UNC5C: variants seen among roughly 807,000 people sequenced by gnomAD.
UNC5C encodes the protein netrin receptor UNC5C.
A neutral mutation model predicts 99.8 loss-of-function variants in UNC5C; 47 were observed. That is an observed-to-expected ratio of 0.47 (90% confidence interval 0.37 to 0.60). The LOEUF (loss-of-function observed/expected upper bound fraction) is 0.60, where lower values mean the gene tolerates loss of function less well. UNC5C is among the 20% of genes least tolerant of loss of function. The pLI is 0.00. For synonymous variants in UNC5C, 487 were observed against 452.2 expected, an observed-to-expected ratio of 1.08 and a Z score of -0.98; for missense variants, 1,062 against 1,165.9, an observed-to-expected ratio of 0.91 and a Z score of 1.30.
chr4:95,287,018 T>C (rs1235611618), intron 3 of UNC5C, among the ~76,000 whole-genome samples: 1 of 152,178 alleles, frequency 6.6e-6, no homozygotes, highest in Non-Finnish European at 1.5e-5. Context: ...TCCAGATAGT[T>C]CAATGCTGAA....
intron 2 of UNC5C, among the ~76,000 whole-genome samples, chr4:95,310,461 A>G (rs1742237065): frequency 6.6e-6 from 1 of 152,158 alleles, no homozygotes; most frequent in Non-Finnish European, 1.5e-5. Context: ...AAAAAAAATG[A>G]GAAATATATG....
At chr4:95,529,546 CA>C (rs773333211) in intron 1 of UNC5C, among the ~76,000 whole-genome samples, 9 of 151,568 alleles carry the variant, frequency 5.9e-5, no homozygotes, top group Non-Finnish European at 1.0e-4. Context: ...GGAAACATGG[CA>C]AAACCCCATC....
At chr4:95,387,648 T>G (rs1745249307) in intron 1 of UNC5C, among the ~76,000 whole-genome samples, 1 of 152,232 alleles carries the variant, frequency 6.6e-6, no homozygotes, top group African/African-American at 2.4e-5. Flanking sequence ...ACTCTGTGTT[T>G]CTATGACTGC....
At chr4:95,193,463 C>T (rs573237820) in intron 12 of UNC5C, among the ~76,000 whole-genome samples, 1 of 152,298 alleles carries the variant, frequency 6.6e-6, no homozygotes, top group Admixed American at 6.5e-5. Context: ...AAAGAACAGA[C>T]CAGCAAATGT....
At chr4:95,546,381 C>CT (rs1283343224) in intron 1 of UNC5C, among the ~76,000 whole-genome samples, 16 of 152,188 alleles carry the variant, frequency 1.1e-4, no homozygotes, top group African/African-American at 3.1e-4. Flanking sequence ...GGCTGGGTTA[C>CT]TGTACTGCAG....
At chr4:95,342,809 AAG>A (rs1369003365) in intron 1 of UNC5C, among the ~76,000 whole-genome samples, 2 of 151,764 alleles carry the variant, frequency 1.3e-5, no homozygotes, top group Admixed American at 1.3e-4. Context: ...GCCCTGAAGG[AAG>A]AGTCACCACA....
rs74479359 is a variant in UNC5C, at chr4:95,219,194, G to T, written c.1420C>A (p.Leu474Met). Residue 474 changes from leucine to methionine, a missense_variant, in exon 9 of 16, where the codon CTG becomes ATG. By Grantham distance (15) the Leu-to-Met change is conservative. Transcript: ENST00000453304. Reference sequence around the variant, plus strand: ...TACACTTTGATTTTCAGGTTGGGCAGTGGATCCAGAATTGGAGAGTTGGTC... The same window carrying T: ...TACACTTTGATTTTCAGGTTGGGCATTGGATCCAGAATTGGAGAGTTGGTC... ...PMTNSPILDP[L>M]PNLKIKVYNT... 3.7e-5 allele frequency: 59 copies of T among 1,614,198 alleles called. No homozygotes were observed. The East Asian group carries it at 1.2e-3, about 34-fold the overall frequency.
At chr4:95,493,599 TA>T (rs1347475687) in intron 1 of UNC5C, among the ~76,000 whole-genome samples, 1 of 151,332 alleles carries the variant, frequency 6.6e-6, no homozygotes, top group African/African-American at 2.4e-5. Context: ...CACTAAGTTT[TA>T]AAAAAAATTT....
At chr4:95,264,875 T>C (rs1199628155) in intron 4 of UNC5C, among the ~76,000 whole-genome samples, 2 of 152,210 alleles carry the variant, frequency 1.3e-5, no homozygotes, top group Non-Finnish European at 2.9e-5. Context: ...TGATTATCTG[T>C]TCTTTTGCAA....
chr4:95,419,783 T>G (rs1746266593), intron 1 of UNC5C, among the ~76,000 whole-genome samples: 1 of 152,002 alleles, frequency 6.6e-6, no homozygotes, highest in Non-Finnish European at 1.5e-5. Flanking sequence ...TGTTGAACAT[T>G]TATAAAATAG....
chr4:95,398,637 G>C lies in UNC5C; in HGVS notation c.125-63006C>G, dbSNP rs1015337870. On this transcript the variant is annotated intron_variant, in intron 1 of 15. Transcript: ENST00000453304. ...ACAAAGCAATGAAGATGTATCTCCTGTTTCTTGTTTCTGTTGCAAATTATG... is the reference window on the plus strand; with the variant it reads ...ACAAAGCAATGAAGATGTATCTCCTCTTTCTTGTTTCTGTTGCAAATTATG... Among the ~76,000 whole-genome samples the C allele has an allele frequency of 7.2e-5, 11 of 152,236 alleles. 1 individual carries two copies. Among genetic ancestry groups the C allele is most frequent in the African/African-American group, 2.6e-4 (11 of 41,556 alleles).
At chr4:95,399,796 G>C (rs1465275560) in intron 1 of UNC5C, among the ~76,000 whole-genome samples, 2 of 152,124 alleles carry the variant, frequency 1.3e-5, no homozygotes, top group Non-Finnish European at 2.9e-5. Context: ...TTCCTCATTA[G>C]TCATTTTCTT....
At chr4:95,436,654 G>A (rs926135546) in intron 1 of UNC5C, among the ~76,000 whole-genome samples, 1 of 151,888 alleles carries the variant, frequency 6.6e-6, no homozygotes, top group Non-Finnish European at 1.5e-5. Context: ...ACACGTTCAA[G>A]CTGCTGAAAT....
In UNC5C at chr4:95,370,871, C is replaced by T. The variant is rs17023634; in HGVS notation, c.125-35240G>A. Among the ~76,000 whole-genome samples, 807 of 152,132 alleles carry T rather than the reference C, an allele frequency of 5.3e-3. 6 individuals are homozygous for T. The highest frequency in any genetic ancestry group is 0.018 in the African/African-American group (732 of 41,516). ...AAAGAGTATGTCATTCAAAAGAATA[C>T]GTAGTTCAAAGTGGTCATTCGTTTT... On this transcript the variant is annotated intron_variant, in intron 1 of 15. Transcript: ENST00000453304.
chr4:95,462,144 A>G (rs1277693897), intron 1 of UNC5C, among the ~76,000 whole-genome samples: 3 of 152,122 alleles, frequency 2.0e-5, no homozygotes, highest in Non-Finnish European at 2.9e-5. Flanking sequence ...CCATTACCGC[A>G]TGGGCAAAAC....
intron 3 of UNC5C, among the ~76,000 whole-genome samples, chr4:95,288,748 T>A (rs1741335387): frequency 1.3e-5 from 2 of 152,166 alleles, no homozygotes; most frequent in African/African-American, 4.8e-5. Flanking sequence ...TCTACCTCTG[T>A]GGTTACACTG....
chr4:95,164,325 A>ATGCCT lies in UNC5C; in HGVS notation c.*4904_*4908dup, dbSNP rs1735783392. On this transcript the variant is annotated 3_prime_UTR_variant, in exon 16 of 16. Coordinates refer to ENST00000453304, the MANE Select transcript of UNC5C (RefSeq NM_003728.4). ...GGTTACAATATATTTATTCCCCCTT[A>ATGCCT]TGCCTTATTCCATTAAAAAGAAATA... 6.6e-6 allele frequency: 1 copy of ATGCCT among 152,198 alleles called. No homozygotes were observed. The highest frequency in any genetic ancestry group is 6.5e-5 in the Admixed American group (1 of 15,278). The allele number at this position is 152,198 out of a possible 1,614,324, so 9.4% of individuals were successfully genotyped here. A position where few individuals can be genotyped will look rare whatever the true frequency, so the allele number is the denominator to read the frequency against.
chr4:95,250,731 A>G, intron 4 of UNC5C, 64 bp from the exon 5 acceptor site: 1 of 1,516,358 alleles, frequency 6.6e-7, no homozygotes, highest in Non-Finnish European at 9.0e-7. Context: ...TGTCTGTCCT[A>G]ACCTGCATTT....
chr4:95,490,036 G>C (rs921289970), intron 1 of UNC5C, among the ~76,000 whole-genome samples: 2 of 137,570 alleles, frequency 1.5e-5, no homozygotes, highest in Non-Finnish European at 3.4e-5. Context: ...ACACAGAGAA[G>C]AGAAGGGGAC....
Sources: allele counts gnomAD v4.1 joint callset (sites outside exome capture counted in the v4.1 genomes callset), GRCh38; gene constraint gnomAD v4.1.1; transcripts MANE v1.5; gene names NCBI Gene and HGNC (gene_info 2026-07-23, HGNC 2026-07-21).